Variants in RCC1L observed in about 807,000 individuals in gnomAD.
RCC1L encodes the protein RCC1-like G exchanging factor-like protein.
A neutral mutation model predicts 58.6 loss-of-function variants in RCC1L; 46 were observed. That is an observed-to-expected ratio of 0.79 (90% confidence interval 0.62 to 1.00). RCC1L has a LOEUF of 1.00. Among genes scored for constraint, RCC1L ranks in the 50% least tolerant of loss-of-function variants. The pLI is 0.00. For missense variants in RCC1L, 636 were observed against 623.6 expected (o/e 1.02, Z -0.21); for synonymous variants, 281 against 262.9 (o/e 1.07, Z -0.67).
At chr7:75,031,678 G>A (rs1805310453) in intron 10 of RCC1L, among the ~76,000 whole-genome samples, 2 of 152,136 alleles carry the variant, frequency 1.3e-5, no homozygotes, top group South Asian at 4.1e-4. Flanking sequence ...GGCCCCCAGA[G>A]CCGGAGGGGT....
At chr7:75,031,313 G>A (rs1002380797) in intron 10 of RCC1L, among the ~76,000 whole-genome samples, 1 of 151,994 alleles carries the variant, frequency 6.6e-6, no homozygotes, top group Non-Finnish European at 1.5e-5. Context: ...CAGCAGCAGC[G>A]GCGTTCCATC....
At chr7:75,040,584 C>T (rs1805532498), downstream of RCC1L, among the ~76,000 whole-genome samples, 1 of 152,092 alleles carries the variant, frequency 6.6e-6, no homozygotes, top group Admixed American at 6.6e-5. Flanking sequence ...CCATCCCGAA[C>T]CCCGCCCAGT....
At position 75,043,088 on chromosome 7, in the gene RCC1L, C is replaced by A; in HGVS notation, c.1339G>T (p.Val447Leu). 1 of 1,614,062 alleles carries A rather than the reference C, an allele frequency of 6.2e-7. No individual in the cohort carries two copies. The highest frequency in any genetic ancestry group is 8.5e-7 in the Non-Finnish European group (1 of 1,179,882). ...TGGTCCACGCCACATGCCACGTCCA[C>A]AGGCTCCCCAGGCATCGTCACCTGA... Reference protein sequence around the residue: ...PWRVTMPGEPVDVACGVDHMV... With the variant: ...PWRVTMPGEPLDVACGVDHMV... Residue 447 changes from valine (V) to leucine (L), a missense_variant, in exon 11 of 11, where the codon GTG (valine) becomes TTG (leucine). Val to Leu is a conservative substitution (Grantham distance 32). Transcript: ENST00000610322.
chr7:75,054,765 A>G (rs1182091177), intron 9 of RCC1L, among the ~76,000 whole-genome samples: 2 of 152,116 alleles, frequency 1.3e-5, no homozygotes, highest in African/African-American at 4.8e-5. Context: ...CTGGGCAACA[A>G]GAGTGAGACT....
intron 5 of RCC1L, among the ~76,000 whole-genome samples, chr7:75,061,663 T>C (rs1199958896): frequency 6.6e-6 from 1 of 152,088 alleles, no homozygotes; most frequent in Non-Finnish European, 1.5e-5. Context: ...TGTTGGGATC[T>C]CTCTCCAGGG....
intron 4 of RCC1L, 81 bp from the exon 5 acceptor site, chr7:75,063,424 C>T (rs1806342319): frequency 7.0e-7 from 1 of 1,435,188 alleles, no homozygotes; most frequent in Non-Finnish European, 9.8e-7. Flanking sequence ...GTCACCCCAA[C>T]TGATGGCCCG....
Position 75,073,585 on chromosome 7 carries a change from C to A in RCC1L, c.153G>T (p.Val51=). The change falls in exon 1 of 11, where the codon GTG becomes GTT. Residue 51 remains valine (V), a synonymous_variant. Coordinates refer to ENST00000610322, the MANE Select transcript of RCC1L (RefSeq NM_030798.5). ...AEAEVPVVQY[V]GERAARADRV... The stretch of plus-strand genomic sequence containing the variant: ...GATCGGCGCGGGCAGCGCGCTCGCC[C>A]ACGTACTGGACCACGGGCACCTCCG... 1 of 1,527,836 alleles carries A rather than the reference C, an allele frequency of 6.5e-7. No individual in the cohort carries two copies. 94.6% of individuals were successfully genotyped at this position (1,527,836 alleles called of 1,614,324 possible). A position where few individuals can be genotyped will look rare whatever the true frequency, so the allele number is the denominator to read the frequency against.
chr7:75,049,327 C>T (rs946499839), intron 10 of RCC1L, among the ~76,000 whole-genome samples: 1 of 151,764 alleles, frequency 6.6e-6, no homozygotes, highest in Non-Finnish European at 1.5e-5. Context: ...CATAGGAAGA[C>T]CTCATCTCTC....
At chr7:75,048,664 T>A (rs1805819816) in intron 10 of RCC1L, among the ~76,000 whole-genome samples, 1 of 152,188 alleles carries the variant, frequency 6.6e-6, no homozygotes, top group Admixed American at 6.5e-5. Flanking sequence ...GGGCGCTCCC[T>A]GGGGGATGAG....
intron 8 of RCC1L, chr7:75,056,392 G>C (rs868985340): frequency 1.1e-6 from 1 of 937,586 alleles, no homozygotes; most frequent in African/African-American, 1.7e-5. Flanking sequence ...AAACCCATAC[G>C]AATACCAGAG....
At chr7:75,061,116 G>A in intron 6 of RCC1L, 91 bp downstream of exon 6, 1 of 1,018,644 alleles carries the variant, frequency 9.8e-7, no homozygotes, top group Non-Finnish European at 1.6e-6. Context: ...TAAGGAAGAA[G>A]GGTTCTAGCC....
intron 10 of RCC1L, among the ~76,000 whole-genome samples, chr7:75,030,248 C>G (rs1805264593): frequency 6.6e-6 from 1 of 152,196 alleles, no homozygotes; most frequent in Admixed American, 6.5e-5. Flanking sequence ...TGGATGTGTT[C>G]CTATGCATTA....
At chr7:75,073,020 C>G (rs1806823448) in intron 1 of RCC1L, among the ~76,000 whole-genome samples, 1 of 152,178 alleles carries the variant, frequency 6.6e-6, no homozygotes, top group Non-Finnish European at 1.5e-5. Flanking sequence ...TTTCAATGGA[C>G]TTTTGAATTT....
intron 9 of RCC1L, 95 bp from the exon 10 acceptor site, chr7:75,052,891 G>T: frequency 9.1e-7 from 1 of 1,102,458 alleles, no homozygotes; most frequent in Non-Finnish European, 1.4e-6. Flanking sequence ...TCTAGAACCA[G>T]ATACCTACAG....
intron 10 of RCC1L, among the ~76,000 whole-genome samples, chr7:75,046,913 A>T (rs1280659969): frequency 1.3e-5 from 2 of 151,662 alleles, no homozygotes; most frequent in Non-Finnish European, 1.5e-5. Flanking sequence ...AGAAAGGGAG[A>T]CTACTCCGGC....
At chr7:75,057,423 CCCT>C in intron 8 of RCC1L, 103 bp downstream of exon 8, 1 of 1,173,174 alleles carries the variant, frequency 8.5e-7, no homozygotes, top group Non-Finnish European at 1.3e-6. Flanking sequence ...AGCCATGTTA[CCCT>C]CCTAAGGCTA....
At chr7:75,041,009 G>A (rs1436685516), downstream of RCC1L, among the ~76,000 whole-genome samples, 6 of 152,086 alleles carry the variant, frequency 3.9e-5, no homozygotes, top group African/African-American at 1.4e-4. Flanking sequence ...CCTGAGGTCA[G>A]GAGTTCGAGA....
intron 10 of RCC1L, among the ~76,000 whole-genome samples, chr7:75,029,619 C>CAA (rs1389588052): frequency 3.3e-5 from 5 of 151,978 alleles, no homozygotes; most frequent in Non-Finnish European, 5.9e-5. Flanking sequence ...GCTGGGATTA[C>CAA]AGGCATGAGA....
chr7:75,056,410 G>A (rs892095912), intron 8 of RCC1L: 8 of 1,042,636 alleles, frequency 7.7e-6, no homozygotes, highest in Non-Finnish European at 1.1e-5. Flanking sequence ...GAGAATTGGA[G>A]GATGTTTTCT....
Sources: allele counts gnomAD v4.1 joint callset (sites outside exome capture counted in the v4.1 genomes callset), GRCh38; gene constraint gnomAD v4.1.1; transcripts MANE v1.5; gene names NCBI Gene and HGNC (gene_info 2026-07-23, HGNC 2026-07-21).